UNC79: variants seen among roughly 807,000 people sequenced by gnomAD.
The protein encoded by UNC79 is unc-79 subunit of NALCN channel complex.
In UNC79, 37 loss-of-function variants were observed where a neutral mutation model predicts 283.1. The observed-to-expected ratio is 0.13, with a 90% CI of 0.10 to 0.17. The LOEUF (loss-of-function observed/expected upper bound fraction) is 0.17, where lower values mean the gene tolerates loss of function less well. Ranked by LOEUF, UNC79 falls within the 10% of genes least tolerant of loss-of-function variation. The pLI is 1.00. For missense variants in UNC79, 2,272 were observed against 3,211.1 expected (o/e 0.71, Z 7.07); for synonymous variants, 1,107 against 1,200.2 (o/e 0.92, Z 1.61).
intron 1 of UNC79, among the ~76,000 whole-genome samples, chr14:93,416,567 AG>A (rs1288756762): frequency 2.0e-5 from 3 of 151,482 alleles, no homozygotes; most frequent in African/African-American, 7.3e-5. Flanking sequence ...TTCAATTCCT[AG>A]GTATCCTTGT....
chr14:93,462,254 G>A (rs763126554), intron 1 of UNC79, among the ~76,000 whole-genome samples: 1 of 152,122 alleles, frequency 6.6e-6, no homozygotes, highest in South Asian at 2.1e-4. Flanking sequence ...TGCAGTGAGC[G>A]GAGATCGGGC....
At chr14:93,666,528 A>G (rs141260305) in intron 40 of UNC79, among the ~76,000 whole-genome samples, 154 of 152,296 alleles carry the variant, frequency 1.0e-3, no homozygotes, top group Non-Finnish European at 1.6e-3. Context: ...GTCACAATAT[A>G]TTGATAAGAG....
chr14:93,514,311 C>G (rs1054013951), intron 7 of UNC79, among the ~76,000 whole-genome samples: 6 of 152,156 alleles, frequency 3.9e-5, no homozygotes, highest in African/African-American at 1.4e-4. Flanking sequence ...CTATGAACAA[C>G]CCTATGTCTA....
intron 1 of UNC79, among the ~76,000 whole-genome samples, chr14:93,392,815 G>A (rs547401107): frequency 2.0e-5 from 3 of 152,254 alleles, no homozygotes; most frequent in Non-Finnish European, 2.9e-5. Flanking sequence ...TAATATGTTC[G>A]TGAAGAAATG....
intron 32 of UNC79, among the ~76,000 whole-genome samples, chr14:93,637,747 C>T (rs753840570): frequency 1.3e-5 from 2 of 152,196 alleles, no homozygotes; most frequent in Non-Finnish European, 2.9e-5. Context: ...CATGAGCCAC[C>T]ATGCCTGGCC....
exon 29 of UNC79, chr14:93,618,251 C>G (rs748851786): frequency 2.5e-6 from 4 of 1,613,984 alleles, no homozygotes; most frequent in Non-Finnish European, 3.4e-6. Context: ...ACATAACAGT[C>G]AATACACTCA....
intron 2 of UNC79, among the ~76,000 whole-genome samples, chr14:93,468,069 A>G (rs1474911202): frequency 1.3e-5 from 2 of 152,172 alleles, no homozygotes; most frequent in African/African-American, 4.8e-5. Flanking sequence ...TGGCACTAAT[A>G]TAGAGTGGGA....
intron 20 of UNC79, among the ~76,000 whole-genome samples, chr14:93,583,831 G>A (rs545644952): frequency 1.4e-5 from 2 of 147,642 alleles, no homozygotes; most frequent in East Asian, 3.9e-4. Flanking sequence ...TTAAGATAAG[G>A]GTCCTGCTCT....
intron 14 of UNC79, among the ~76,000 whole-genome samples, chr14:93,548,876 C>A (rs1412840001): frequency 6.6e-6 from 1 of 152,122 alleles, no homozygotes; most frequent in Non-Finnish European, 1.5e-5. Flanking sequence ...TCTTATTATC[C>A]TTTATTTTCC....
chr14:93,333,311 T>G (rs915257607), exon 1 of UNC79: 16 of 399,056 alleles, frequency 4.0e-5, no homozygotes, highest in Non-Finnish European at 6.6e-5. Flanking sequence ...TTGTGACACA[T>G]TATTAAATGT....
At chr14:93,597,694 TTGTC>T (rs2065172419) in intron 24 of UNC79, among the ~76,000 whole-genome samples, 154 bp downstream of exon 24, 1 of 152,226 alleles carries the variant, frequency 6.6e-6, no homozygotes, top group African/African-American at 2.4e-5. Context: ...ATTTCGCAGA[TTGTC>T]TGCCGAGGGC....
intron 26 of UNC79, 147 bp from the exon 28 acceptor site, chr14:93,612,650 T>C: frequency 9.8e-7 from 1 of 1,024,452 alleles, no homozygotes; most frequent in Non-Finnish European, 1.4e-6. Context: ...TAGGCCATAT[T>C]GTGCCTTTAA....
chr14:93,479,821 A>G (rs1000626874), intron 4 of UNC79, among the ~76,000 whole-genome samples: 4 of 152,032 alleles, frequency 2.6e-5, no homozygotes, highest in African/African-American at 7.2e-5. Flanking sequence ...TTTTGTAGAG[A>G]TGGGGTCTCA....
chr14:93,676,297 C>G (rs376810564), intron 41 of UNC79, among the ~76,000 whole-genome samples: 1 of 152,124 alleles, frequency 6.6e-6, no homozygotes, highest in African/African-American at 2.4e-5. Flanking sequence ...TGGACTCAAG[C>G]TATCCACTCA....
chr14:93,389,933 G>T (rs1595419733), intron 1 of UNC79, among the ~76,000 whole-genome samples: 1 of 152,188 alleles, frequency 6.6e-6, no homozygotes, highest in Non-Finnish European at 1.5e-5. Context: ...GGTTACAGGC[G>T]TGAGCCCCCG....
At chr14:93,449,953 T>C (rs1394662729) in intron 1 of UNC79, among the ~76,000 whole-genome samples, 1 of 152,202 alleles carries the variant, frequency 6.6e-6, no homozygotes, top group South Asian at 2.1e-4. Context: ...CTTTTGAAAG[T>C]GTGTACATAA....
intron 38 of UNC79, among the ~76,000 whole-genome samples, chr14:93,658,298 G>C (rs1476947176): frequency 6.6e-6 from 1 of 152,202 alleles, no homozygotes; most frequent in African/African-American, 2.4e-5. Flanking sequence ...TGAAGGACTT[G>C]CTAAAACACA....
chr14:93,370,771 C>CAAAAAG (rs200737430), intron 1 of UNC79, among the ~76,000 whole-genome samples: 3 of 151,226 alleles, frequency 2.0e-5, no homozygotes, highest in Admixed American at 6.6e-5. Flanking sequence ...GACCCTGTCT[C>CAAAAAG]AAAAAGAAAA....
intron 7 of UNC79, among the ~76,000 whole-genome samples, chr14:93,517,196 CCT>C (rs1159690991): frequency 1.3e-5 from 2 of 150,288 alleles, no homozygotes; most frequent in East Asian, 3.9e-4. Context: ...TCTCTCCACC[CCT>C]CTCTCCCTTT....
Sources: allele counts gnomAD v4.1 joint callset (sites outside exome capture counted in the v4.1 genomes callset), GRCh38; gene constraint gnomAD v4.1.1; transcripts MANE v1.5; gene names NCBI Gene and HGNC (gene_info 2026-07-23, HGNC 2026-07-21).